The following SERPINI1 variants were observed in gnomAD, a reference collection of about 807,000 sequenced individuals.
The protein encoded by SERPINI1 is serpin family I member 1, also known as neuroserpin.
Under a neutral mutation model 41.1 loss-of-function variants are expected in SERPINI1, and 19 were observed. The observed-to-expected ratio is 0.46, with a 90% CI of 0.32 to 0.68. The LOEUF (loss-of-function observed/expected upper bound fraction) is 0.68. Among genes scored for constraint, SERPINI1 ranks in the 30% least tolerant of loss-of-function variants. SERPINI1 has a pLI of 0.03. For missense variants in SERPINI1, 460 were observed against 479.2 expected (o/e 0.96, Z 0.37); for synonymous variants, 138 against 156.6 (o/e 0.88, Z 0.89).
In SERPINI1 at chr3:167,744,665, A is replaced by AAT. The variant is rs538290418; in HGVS notation, c.-19+8852_-19+8853dup. 3.9e-3 allele frequency among the ~76,000 whole-genome samples: 465 copies of AAT among 118,230 alleles called. 10 individuals carry two copies. Among genetic ancestry groups the AAT allele is most frequent in the African/African-American group, 0.015 (415 of 26,864 alleles). The allele number at this position is 118,230 out of a possible 152,430, so 77.6% of individuals were successfully genotyped here. A position where few individuals can be genotyped will look rare whatever the true frequency, so the allele number is the denominator to read the frequency against. On this transcript the variant is annotated intron_variant, in intron 1 of 8. Transcript: ENST00000446050. The stretch of plus-strand genomic sequence containing the variant: ...ATATATAAATATATATAAATATAAA[A>AAT]ATATATATATAAATATATATATAAA...
intron 1 of SERPINI1, among the ~76,000 whole-genome samples, chr3:167,756,408 C>T (rs972385448): frequency 6.6e-6 from 1 of 152,162 alleles, no homozygotes; most frequent in African/African-American, 2.4e-5. Context: ...GGTCATCCTC[C>T]CATCTCAGCC....
At chr3:167,797,973 G>A (rs375826967) in intron 5 of SERPINI1, among the ~76,000 whole-genome samples, 1 of 151,918 alleles carries the variant, frequency 6.6e-6, no homozygotes, top group South Asian at 2.1e-4. Context: ...GATAAAATGA[G>A]AAATTCAGTA....
chr3:167,767,358 A>G (rs1726600614), intron 1 of SERPINI1, among the ~76,000 whole-genome samples: 1 of 152,126 alleles, frequency 6.6e-6, no homozygotes, highest in Non-Finnish European at 1.5e-5. Context: ...TCAAAATATT[A>G]CTGCTCGTTG....
chr3:167,739,334 A>G (rs1422866062), intron 1 of SERPINI1, among the ~76,000 whole-genome samples: 2 of 152,214 alleles, frequency 1.3e-5, no homozygotes, highest in African/African-American at 4.8e-5. Context: ...TGTAATGCAC[A>G]CATTGAGACA....
At chr3:167,737,294 C>T (rs1484043802) in intron 1 of SERPINI1, among the ~76,000 whole-genome samples, 1 of 152,064 alleles carries the variant, frequency 6.6e-6, no homozygotes, top group African/African-American at 2.4e-5. Flanking sequence ...AGAAAAACAG[C>T]TGCTTTTTAA....
At chr3:167,773,757 G>A (rs553899548) in intron 1 of SERPINI1, among the ~76,000 whole-genome samples, 1 of 152,322 alleles carries the variant, frequency 6.6e-6, no homozygotes, top group South Asian at 2.1e-4. Context: ...TTAGCACAGT[G>A]TTAGTCAATG....
In SERPINI1 at chr3:167,747,921, T is replaced by A. The variant is rs1725914188; in HGVS notation, c.-19+12098T>A. On this transcript the variant is annotated intron_variant, in intron 1 of 8. Coordinates refer to ENST00000446050, the MANE Select transcript of SERPINI1 (RefSeq NM_001122752.2). ...AGACCTACCCACACTTTGTTAAAGT[T>A]TTTTTGTGTTTTGTTGTTTTTTTTT... is the stretch of plus-strand genomic sequence containing the variant. Among the ~76,000 whole-genome samples the A allele has an allele frequency of 4.6e-5, 7 of 151,728 alleles. No homozygotes were observed. In the South Asian group the frequency reaches 1.4e-3, roughly 31 times the overall value.
intron 1 of SERPINI1, among the ~76,000 whole-genome samples, chr3:167,740,579 A>T (rs1043855116): frequency 6.6e-6 from 1 of 152,228 alleles, no homozygotes; most frequent in Non-Finnish European, 1.5e-5. Context: ...TTTCTTAGAC[A>T]TCTGTGTTAG....
At chr3:167,817,829 G>A (rs1354992229) in intron 6 of SERPINI1, among the ~76,000 whole-genome samples, 3 of 151,852 alleles carry the variant, frequency 2.0e-5, no homozygotes, top group Non-Finnish European at 4.4e-5. Flanking sequence ...CCGATCTCCT[G>A]ACCTTGTAAT....
chr3:167,747,450 C>G (rs1159252468), intron 1 of SERPINI1, among the ~76,000 whole-genome samples: 1 of 152,174 alleles, frequency 6.6e-6, no homozygotes, highest in Non-Finnish European at 1.5e-5. Flanking sequence ...CGAAACCATC[C>G]TGGCTAACAC....
At chr3:167,745,490 T>A (rs1725836182) in intron 1 of SERPINI1, among the ~76,000 whole-genome samples, 1 of 152,068 alleles carries the variant, frequency 6.6e-6, no homozygotes, top group African/African-American at 2.4e-5. Context: ...GTCTGAATAT[T>A]TCCCTTTAAG....
At chr3:167,818,009 A>C (rs904405779) in intron 6 of SERPINI1, among the ~76,000 whole-genome samples, 2 of 145,348 alleles carry the variant, frequency 1.4e-5, no homozygotes, top group African/African-American at 2.7e-5. Context: ...GATAGATGGA[A>C]ATATTTTGGT....
chr3:167,787,686 G>A (rs939744854), intron 1 of SERPINI1, among the ~76,000 whole-genome samples: 9 of 152,198 alleles, frequency 5.9e-5, no homozygotes, highest in African/African-American at 2.2e-4. Context: ...TTACAAAGAG[G>A]CTGAGACTTA....
intron 1 of SERPINI1, among the ~76,000 whole-genome samples, chr3:167,767,669 A>G (rs1025109685): frequency 3.3e-5 from 5 of 152,128 alleles, no homozygotes; most frequent in African/African-American, 9.7e-5. Context: ...TTTTTGATTC[A>G]CGGGAGAAAG....
chr3:167,816,229 G>A (rs1365637043), intron 6 of SERPINI1, among the ~76,000 whole-genome samples: 1 of 151,934 alleles, frequency 6.6e-6, no homozygotes, highest in Non-Finnish European at 1.5e-5. Context: ...ATGGGGTTTT[G>A]CCATGTTGCC....
At chr3:167,763,357 T>TGTG (rs1553772055) in intron 1 of SERPINI1, among the ~76,000 whole-genome samples, 2 of 147,638 alleles carry the variant, frequency 1.4e-5, no homozygotes, top group African/African-American at 5.2e-5. Flanking sequence ...AACCACAGTT[T>TGTG]TGTGTGTGTG....
chr3:167,819,593 A>C (rs933493311), intron 6 of SERPINI1, among the ~76,000 whole-genome samples: 1 of 152,268 alleles, frequency 6.6e-6, no homozygotes, highest in Non-Finnish European at 1.5e-5. Context: ...TCCCATTAAA[A>C]GTATATTCAG....
chr3:167,790,429 A>C lies in SERPINI1; in HGVS notation c.308A>C (p.Gln103Pro). The C allele has an allele frequency of 6.2e-7, 1 of 1,614,036 alleles. No individual in the cohort carries two copies. The highest frequency in any genetic ancestry group is 8.5e-7 in the Non-Finnish European group (1 of 1,179,912). The part of the protein sequence containing the change: ...FSNMVTAKES[Q>P]YVMKIANSLF... ...AACATGGTAACTGCTAAAGAGAGCC[A>C]ATATGTGATGAAAATTGCCAATTCC... is the stretch of plus-strand genomic sequence containing the variant. Residue 103 changes from glutamine to proline, a missense_variant, in exon 3 of 9, where the codon CAA becomes CCA. Coordinates refer to ENST00000446050, the MANE Select transcript of SERPINI1 (RefSeq NM_001122752.2).
At chr3:167,784,496 C>G (rs184906639) in intron 1 of SERPINI1, among the ~76,000 whole-genome samples, 1 of 152,060 alleles carries the variant, frequency 6.6e-6, no homozygotes, top group Non-Finnish European at 1.5e-5. Context: ...AAGAAATACC[C>G]GAGACTGGGT....
Sources: gnomAD v4.1 joint callset for allele counts (sites outside exome capture counted in the v4.1 genomes callset) on GRCh38, gnomAD v4.1.1 for gene constraint, MANE v1.5 for transcripts, NCBI Gene and HGNC (gene_info 2026-07-23, HGNC 2026-07-21) for gene names.